The following NSG1 variants were observed in gnomAD, a reference collection of about 807,000 sequenced individuals.
NSG1 encodes the protein neuronal vesicle trafficking associated 1.
Under a neutral mutation model 19.3 loss-of-function variants are expected in NSG1, and 9 were observed. The observed-to-expected ratio is 0.47, with a 90% CI of 0.28 to 0.81. The LOEUF (loss-of-function observed/expected upper bound fraction) is 0.81. Among genes scored for constraint, NSG1 ranks in the 40% least tolerant of loss-of-function variants. The pLI, the probability that NSG1 is intolerant of heterozygous loss-of-function variation, is 0.11. For synonymous variants in NSG1, 104 were observed against 107.0 expected, an observed-to-expected ratio of 0.97 and a Z score of 0.17; for missense variants, 236 against 242.4, an observed-to-expected ratio of 0.97 and a Z score of 0.18.
intron 4 of NSG1, among the ~76,000 whole-genome samples, chr4:4,413,121 G>A (rs537464876): frequency 1.3e-5 from 2 of 152,234 alleles, no homozygotes; most frequent in South Asian, 4.1e-4. Context: ...CTAGGCGCTG[G>A]AACACAGCCG....
chr4:4,416,040 C>A, intron 4 of NSG1: 1 of 699,026 alleles, frequency 1.4e-6, no homozygotes, highest in Non-Finnish European at 2.6e-6. Context: ...TTTTGGCTTT[C>A]TTTTCTGTCC....
Position 4,417,525 on chromosome 4 carries a change from A to G in NSG1, c.*90A>G. On this transcript the variant is annotated 3_prime_UTR_variant, in exon 5 of 5. Coordinates refer to ENST00000621129, the MANE Select transcript of NSG1 (RefSeq NM_014392.5). Reference sequence around the variant, plus strand: ...CATTAAATATAATTACTGATACTTTAGAGGTTACTCATTTACGGTGCAATT... The same window carrying G: ...CATTAAATATAATTACTGATACTTTGGAGGTTACTCATTTACGGTGCAATT... 1 of 1,282,580 alleles carries G rather than the reference A, an allele frequency of 7.8e-7. No homozygotes were observed. The highest frequency in any genetic ancestry group is 1.3e-5 in the South Asian group (1 of 76,222). 79.4% of individuals were successfully genotyped at this position (1,282,580 alleles called of 1,614,324 possible). A position where few individuals can be genotyped will look rare whatever the true frequency, so the allele number is the denominator to read the frequency against.
intron 3 of NSG1, among the ~76,000 whole-genome samples, chr4:4,409,331 AC>A (rs1486018934): frequency 2.0e-5 from 3 of 152,264 alleles, no homozygotes; most frequent in Non-Finnish European, 4.4e-5. Context: ...GACCTTGGGT[AC>A]TAAAAATAAC....
chr4:4,398,471 C>T (rs1467867823), intron 3 of NSG1, among the ~76,000 whole-genome samples: 6 of 152,044 alleles, frequency 3.9e-5, no homozygotes. Context: ...CCTGGTTAGC[C>T]ACAAATCTGT....
chr4:4,398,948 G>A (rs573123379), intron 3 of NSG1, among the ~76,000 whole-genome samples: 1 of 152,246 alleles, frequency 6.6e-6, no homozygotes, highest in South Asian at 2.1e-4. Flanking sequence ...ACCAGCACTT[G>A]TTTGTTTTTA....
chr4:4,411,776 A>ACACAACACAAC lies in NSG1; in HGVS notation c.357+2093_357+2094insCACAACACAAC, dbSNP rs1553819745. 4.6e-4 allele frequency among the ~76,000 whole-genome samples: 61 copies of ACACAACACAAC among 132,592 alleles called. 1 individual carries two copies. Among genetic ancestry groups the ACACAACACAAC allele is most frequent in the African/African-American group, 1.6e-3 (56 of 35,240 alleles). The allele number at this position is 132,592 out of a possible 152,430, so 87.0% of individuals were successfully genotyped here. A position where few individuals can be genotyped will look rare whatever the true frequency, so the allele number is the denominator to read the frequency against. On this transcript the variant is annotated intron_variant, in intron 4 of 4. Transcript: ENST00000621129. ...AACAAAACAAAACAAAACAAAACAA[A>ACACAACACAAC]ACAAAACAAAACAAAACATTGCCTT...
chr4:4,413,310 G>A (rs931244650), intron 4 of NSG1, among the ~76,000 whole-genome samples: 3 of 151,744 alleles, frequency 2.0e-5, no homozygotes, highest in East Asian at 1.9e-4. Context: ...TTGGAGGAGC[G>A]GGTCTCCAGG....
chr4:4,417,890 G>GT lies in NSG1; in HGVS notation c.*456dup, dbSNP rs1398304686. On this transcript the variant is annotated 3_prime_UTR_variant, in exon 5 of 5. Coordinates refer to ENST00000621129, the MANE Select transcript of NSG1 (RefSeq NM_014392.5). ...GCATTTCTTCCTCGGCCATCAGCGG[G>GT]TAACAGTGCTGACTGCTGCCAAGGT... The GT allele has an allele frequency of 4.0e-6, 1 of 248,018 alleles. No individual in the cohort carries two copies. The highest frequency in any genetic ancestry group is 7.8e-6 in the Non-Finnish European group (1 of 127,676). 15.4% of individuals were successfully genotyped at this position (248,018 alleles called of 1,614,324 possible).
At chr4:4,414,239 G>T (rs1263089608) in intron 4 of NSG1, among the ~76,000 whole-genome samples, 1 of 151,802 alleles carries the variant, frequency 6.6e-6, no homozygotes, top group Non-Finnish European at 1.5e-5. Context: ...AGGAGATGAA[G>T]CCCCAGTCCT....
chr4:4,404,934 A>G (rs2108743927), intron 3 of NSG1, among the ~76,000 whole-genome samples: 1 of 152,256 alleles, frequency 6.6e-6, no homozygotes, highest in Non-Finnish European at 1.5e-5. Flanking sequence ...ATGGTGCGGA[A>G]GGAACGGGGT....
chr4:4,394,652 T>C (rs1454983142), intron 3 of NSG1, among the ~76,000 whole-genome samples: 1 of 152,198 alleles, frequency 6.6e-6, no homozygotes, highest in Non-Finnish European at 1.5e-5. Flanking sequence ...AGACGGAACT[T>C]ACTCATCAGC....
intron 3 of NSG1, among the ~76,000 whole-genome samples, chr4:4,402,814 C>T (rs1034290793): frequency 1.4e-4 from 21 of 152,220 alleles, no homozygotes; most frequent in Admixed American, 1.2e-3. Context: ...TAAGGAAATG[C>T]GCTTCTCCCA....
At chr4:4,395,663 G>A (rs1421372759) in intron 3 of NSG1, among the ~76,000 whole-genome samples, 2 of 152,132 alleles carry the variant, frequency 1.3e-5, no homozygotes, top group Admixed American at 6.5e-5. Context: ...GGGCCCAGTC[G>A]AAGCTGTGGT....
In NSG1 at chr4:4,387,908, C is replaced by A. The variant is rs1052024894; in HGVS notation, c.129+150C>A. 17 of 675,792 alleles carry A rather than the reference C, an allele frequency of 2.5e-5. No individual in the cohort carries two copies. In the Admixed American group the frequency reaches 3.5e-4, roughly 14 times the overall value. The allele number at this position is 675,792 out of a possible 1,614,324, so 41.9% of individuals were successfully genotyped here. ...GAGGGAGCGCGGCGAGGACAGTGTACCCGCGCGGGATTCTGGATCGCGGGA... is the reference window on the plus strand; with the variant it reads ...GAGGGAGCGCGGCGAGGACAGTGTAACCGCGCGGGATTCTGGATCGCGGGA... On this transcript the variant is annotated intron_variant, in intron 2 of 4. Transcript: ENST00000621129.
rs1483300146 is a variant in NSG1, at chr4:4,418,341, G to A, written c.*906G>A. On this transcript the variant is annotated 3_prime_UTR_variant, in exon 5 of 5. Coordinates refer to ENST00000621129, the MANE Select transcript of NSG1 (RefSeq NM_014392.5). ...TGAGCTGGGTGGGAAAAGTGGAAATGTAATTTCTGGTAAGCTTGAGCTACT... is the reference window on the plus strand; with the variant it reads ...TGAGCTGGGTGGGAAAAGTGGAAATATAATTTCTGGTAAGCTTGAGCTACT... 6.8e-6 allele frequency: 1 copy of A among 147,656 alleles called. No homozygotes were observed. The highest frequency in any genetic ancestry group is 2.5e-5 in the African/African-American group (1 of 40,426). The allele number at this position is 147,656 out of a possible 1,614,324, so 9.1% of individuals were successfully genotyped here.
At chr4:4,401,699 T>C (rs770486833) in intron 3 of NSG1, among the ~76,000 whole-genome samples, 10 of 152,150 alleles carry the variant, frequency 6.6e-5, no homozygotes, top group Non-Finnish European at 1.5e-4. Context: ...CACCTGAGAA[T>C]GTCCCCTGGC....
At chr4:4,409,450 A>G (rs928384706) in intron 3 of NSG1, 123 bp from the exon 4 acceptor site, 1 of 729,124 alleles carries the variant, frequency 1.4e-6, no homozygotes, top group South Asian at 1.6e-5. Context: ...AGCTGCCCTT[A>G]CCAGGTTCTT....
Position 4,417,493 on chromosome 4 carries a change from G to C in NSG1, c.*58G>C, listed in dbSNP as rs1724643231. On this transcript the variant is annotated 3_prime_UTR_variant, in exon 5 of 5. Transcript: ENST00000621129. ...TGCAAATAACAAAGGGACTTTGAGG[G>C]ACATTTCATTAAATATAATTACTGA... is the stretch of plus-strand genomic sequence containing the variant. 44 of 1,482,204 alleles carry C rather than the reference G, an allele frequency of 3.0e-5. No homozygotes were observed. Among genetic ancestry groups the C allele is most frequent in the Non-Finnish European group, 4.0e-5 (42 of 1,063,148 alleles). The allele number at this position is 1,482,204 out of a possible 1,614,324, so 91.8% of individuals were successfully genotyped here. A position where few individuals can be genotyped will look rare whatever the true frequency, so the allele number is the denominator to read the frequency against.
intron 3 of NSG1, among the ~76,000 whole-genome samples, chr4:4,400,636 T>G (rs1723502484): frequency 6.6e-6 from 1 of 152,210 alleles, no homozygotes; most frequent in Non-Finnish European, 1.5e-5. Context: ...CAAAAATTTT[T>G]TATAGTTTTC....
Sources: gnomAD v4.1 joint callset for allele counts (sites outside exome capture counted in the v4.1 genomes callset) on GRCh38, gnomAD v4.1.1 for gene constraint, MANE v1.5 for transcripts, NCBI Gene and HGNC (gene_info 2026-07-23, HGNC 2026-07-21) for gene names.